PRELID2: variants seen among roughly 807,000 people sequenced by gnomAD.
PRELID2 encodes PRELI domain-containing protein 2.
PRELID2 carries 25 observed loss-of-function variants against 28.4 expected under a neutral mutation model. That is an observed-to-expected ratio of 0.88 (90% CI 0.64 to 1.23). The LOEUF (loss-of-function observed/expected upper bound fraction) is 1.23. Among genes scored for constraint, PRELID2 ranks in the 50% most tolerant of loss-of-function variants. The pLI is 0.00. For synonymous variants in PRELID2, 76 were observed against 71.6 expected (o/e 1.06, Z -0.31); for missense variants, 201 against 214.4 (o/e 0.94, Z 0.39).
intron 1 of PRELID2, among the ~76,000 whole-genome samples, chr5:145,750,354 G>T (rs991824042): frequency 7.2e-5 from 11 of 151,828 alleles, no homozygotes; most frequent in African/African-American, 2.4e-4. Flanking sequence ...TGAGGAAAAT[G>T]AAATCCAAAC....
chr5:145,360,268 A>C, the PRELID2 span, among the ~76,000 whole-genome samples: 1 of 152,208 alleles, frequency 6.6e-6, no homozygotes, highest in Non-Finnish European at 1.5e-5. Flanking sequence ...TCCCCCAAAG[A>C]GTGGCAGGAG....
intron 1 of PRELID2, among the ~76,000 whole-genome samples, chr5:145,607,732 G>C (rs1447367601): frequency 6.6e-6 from 1 of 152,076 alleles, no homozygotes; most frequent in Non-Finnish European, 1.5e-5. Context: ...ATTTAAGGTA[G>C]AGAATTATGT....
the PRELID2 span, among the ~76,000 whole-genome samples, chr5:145,442,149 A>C: frequency 6.6e-6 from 1 of 152,116 alleles, no homozygotes; most frequent in Non-Finnish European, 1.5e-5. Context: ...ATATTTCAGC[A>C]AAATAGATAT....
the PRELID2 span, among the ~76,000 whole-genome samples, chr5:145,315,289 C>T: frequency 1.1e-4 from 16 of 151,920 alleles, no homozygotes; most frequent in East Asian, 9.7e-4. Flanking sequence ...AGGATGGTTT[C>T]GATCTCTTGA....
intron 1 of PRELID2, among the ~76,000 whole-genome samples, chr5:145,724,604 T>TATATAC (rs1353137333): frequency 1.5e-4 from 5 of 33,320 alleles, no homozygotes; most frequent in Non-Finnish European, 2.4e-4. Context: ...TAAATAAATA[T>TATATAC]ATATATATAT....
chr5:145,616,416 T>G (rs1228761847), intron 1 of PRELID2, among the ~76,000 whole-genome samples: 1 of 152,190 alleles, frequency 6.6e-6, no homozygotes, highest in East Asian at 1.9e-4. Context: ...AGCCAGATAT[T>G]GGGCGAAATT....
chr5:145,630,837 T>G (rs367842254), intron 1 of PRELID2, among the ~76,000 whole-genome samples: 16 of 152,326 alleles, frequency 1.1e-4, no homozygotes, highest in African/African-American at 3.8e-4. Flanking sequence ...TTCTCATTAT[T>G]CCTGTGACTA....
At chr5:145,583,122 C>T (rs116689191) in intron 1 of PRELID2, among the ~76,000 whole-genome samples, 10,869 of 152,190 alleles carry the variant, frequency 0.071, 584 homozygotes, top group Admixed American at 0.18. Flanking sequence ...CCCTGGGATG[C>T]AAGGTTGCTT....
At chr5:145,625,746 T>C (rs1196551451) in intron 1 of PRELID2, among the ~76,000 whole-genome samples, 1 of 152,134 alleles carries the variant, frequency 6.6e-6, no homozygotes. Context: ...AAAACTGTGG[T>C]TACTGAAAAT....
the PRELID2 span, among the ~76,000 whole-genome samples, chr5:145,305,031 G>A: frequency 1.1e-4 from 17 of 152,150 alleles, no homozygotes; most frequent in East Asian, 1.7e-3. Context: ...ATTACAAACC[G>A]CACTGTCCAT....
chr5:145,594,315 TA>T (rs1467172156), intron 1 of PRELID2, among the ~76,000 whole-genome samples: 1 of 152,220 alleles, frequency 6.6e-6, no homozygotes, highest in African/African-American at 2.4e-5. Context: ...TGCCAACTGA[TA>T]AAAAGTATCA....
chr5:145,527,107 G>A (rs1198776474), intron 1 of PRELID2, among the ~76,000 whole-genome samples: 1 of 152,190 alleles, frequency 6.6e-6, no homozygotes, highest in Non-Finnish European at 1.5e-5. Flanking sequence ...AAATAATCTA[G>A]ATAGGTATTG....
intron 1 of PRELID2, among the ~76,000 whole-genome samples, chr5:145,575,790 T>A (rs1422239630): frequency 6.6e-6 from 1 of 152,176 alleles, no homozygotes; most frequent in Non-Finnish European, 1.5e-5. Context: ...TTGCATATAT[T>A]GCGTCTGGAA....
chr5:145,548,299 G>A (rs777204488), intron 1 of PRELID2, among the ~76,000 whole-genome samples: 4 of 152,054 alleles, frequency 2.6e-5, no homozygotes, highest in Non-Finnish European at 5.9e-5. Context: ...CCTGTTCCCT[G>A]GGCTTAATTA....
chr5:145,431,183 T>C, the PRELID2 span, among the ~76,000 whole-genome samples: 1 of 151,894 alleles, frequency 6.6e-6, no homozygotes, highest in African/African-American at 2.4e-5. Context: ...ATTTAAAAGG[T>C]AAAATTTCTT....
At chr5:145,306,984 T>C in the PRELID2 span, among the ~76,000 whole-genome samples, 55 of 152,358 alleles carry the variant, frequency 3.6e-4, 1 homozygote, top group Admixed American at 1.4e-3. Context: ...GTTGGTTAAT[T>C]TGGCATAACT....
the PRELID2 span, among the ~76,000 whole-genome samples, chr5:145,306,282 T>C: frequency 6.6e-6 from 1 of 152,234 alleles, no homozygotes; most frequent in Non-Finnish European, 1.5e-5. Flanking sequence ...GTGTTGTCAC[T>C]TGTTTACATT....
At chr5:145,706,348 A>G (rs957797118) in intron 1 of PRELID2, among the ~76,000 whole-genome samples, 5 of 152,218 alleles carry the variant, frequency 3.3e-5, no homozygotes, top group Admixed American at 3.3e-4. Context: ...AGAAGTTATA[A>G]TAAGAACCAC....
At position 145,572,172 on chromosome 5, in the gene PRELID2, G is replaced by C. The variant is rs185723668; in HGVS notation, n.71-98857C>G. 3.3e-5 allele frequency among the ~76,000 whole-genome samples: 5 copies of C among 152,258 alleles called. No homozygotes were observed. In the East Asian group the frequency reaches 9.7e-4, roughly 29 times the overall value. On this transcript the variant is annotated intron_variant and non_coding_transcript_variant, in intron 1 of 2. Transcript: ENST00000510259. ...GGTTGAAAAAACCAATTGCCAATCA[G>C]AAAATTTTGGCTTCTCCAGTGACCT...
Sources: gnomAD v4.1 joint callset for allele counts (sites outside exome capture counted in the v4.1 genomes callset) on GRCh38, gnomAD v4.1.1 for gene constraint, MANE v1.5 for transcripts, NCBI Gene and HGNC (gene_info 2026-07-23, HGNC 2026-07-21) for gene names.